The following FGGY variants were observed in gnomAD, a reference collection of about 807,000 sequenced individuals.
FGGY encodes FGGY carbohydrate kinase domain containing.
In FGGY, 72 loss-of-function variants were observed where a neutral mutation model predicts 71.3. The ratio of observed to expected loss-of-function variants is 1.01; its 90% CI spans 0.84 to 1.23. The LOEUF is 1.23. FGGY is among the 50% of genes most tolerant of loss of function. The pLI is 0.00. For missense variants in FGGY, 668 were observed against 682.3 expected (o/e 0.98, Z 0.23); for synonymous variants, 251 against 250.3 (o/e 1.00, Z -0.02).
At position 59,381,036 on chromosome 1, in the gene FGGY, TATTA is replaced by T. The variant is rs944747652; in HGVS notation, c.554+2201_554+2204del. On this transcript the variant is annotated intron_variant, in intron 5 of 15. Transcript: ENST00000303721. Reference sequence around the variant, plus strand: ...GCTAGCCAGTTTTCCCAGCACCATTTATTAAATAGGGAATCCTTTCCCCATTTCT... The same window carrying T: ...GCTAGCCAGTTTTCCCAGCACCATTTAATAGGGAATCCTTTCCCCATTTCT... Among the ~76,000 whole-genome samples, 16 of 152,360 alleles carry T rather than the reference TATTA, an allele frequency of 1.1e-4. No homozygotes were observed. In the South Asian group the frequency reaches 2.9e-3, roughly 28 times the overall value.
intron 9 of FGGY, among the ~76,000 whole-genome samples, chr1:59,625,093 C>A (rs1300988243): frequency 6.6e-6 from 1 of 152,106 alleles, no homozygotes; most frequent in African/African-American, 2.4e-5. Flanking sequence ...AGCCAAAAGA[C>A]CAAATCTTTT....
rs753851465 is a variant in FGGY at position 59,606,777 on chromosome 1, C to T, written c.904-1026C>T. On this transcript the variant is annotated intron_variant, in intron 8 of 15. Coordinates refer to ENST00000303721, the MANE Select transcript of FGGY (RefSeq NM_018291.5). ...GGCCTTGGGGTATATATCTAAATGG[C>T]GGCCTCTATCTTTGTATAATCTTTA... Among the ~76,000 whole-genome samples the T allele has an allele frequency of 5.4e-4, 83 of 152,302 alleles. 1 individual carries two copies. Among genetic ancestry groups the T allele is most frequent in the Non-Finnish European group, 7.2e-4 (49 of 68,024 alleles).
intron 2 of FGGY, among the ~76,000 whole-genome samples, chr1:59,328,889 G>T (rs908228081): frequency 1.3e-5 from 2 of 151,904 alleles, no homozygotes; most frequent in African/African-American, 2.4e-5. Flanking sequence ...TATTAAGTTT[G>T]CCCGTCTTAT....
intron 6 of FGGY, among the ~76,000 whole-genome samples, chr1:59,472,819 C>T (rs1400362315): frequency 6.6e-6 from 1 of 151,474 alleles, no homozygotes; most frequent in Admixed American, 6.6e-5. Flanking sequence ...ATACACCAAT[C>T]GGCTCTCTGT....
At chr1:59,353,475 T>G (rs1472389665) in intron 4 of FGGY, among the ~76,000 whole-genome samples, 3 of 152,140 alleles carry the variant, frequency 2.0e-5, no homozygotes, top group African/African-American at 7.2e-5. Context: ...AAATAGAGAA[T>G]AGAAGAGCAC....
rs144297320 is a variant in FGGY, at chr1:59,529,656, C to T, written c.799+17217C>T. Among the ~76,000 whole-genome samples the T allele has an allele frequency of 3.8e-3, 575 of 152,238 alleles. 2 individuals are homozygous for T. Among genetic ancestry groups the T allele is most frequent in the Middle Eastern group, 0.01 (3 of 294 alleles). ...GTGGAGATAGATTGGGAGTCTGTCC[C>T]ATCTGAGTACCGTTTTGGAGTTTGT... On this transcript the variant is annotated intron_variant, in intron 7 of 15. Coordinates refer to ENST00000303721, the MANE Select transcript of FGGY (RefSeq NM_018291.5).
chr1:59,523,911 A>G (rs2153652756), intron 7 of FGGY, among the ~76,000 whole-genome samples: 1 of 152,350 alleles, frequency 6.6e-6, no homozygotes, highest in South Asian at 2.1e-4. Flanking sequence ...CAGTAGAGGA[A>G]TGCACTCTGC....
chr1:59,696,285 T>C (rs879283401), intron 14 of FGGY, among the ~76,000 whole-genome samples: 4 of 152,216 alleles, frequency 2.6e-5, no homozygotes, highest in Non-Finnish European at 5.9e-5. Flanking sequence ...TAATAGATAC[T>C]AGAAAAGTAC....
At position 59,349,317 on chromosome 1, in the gene FGGY, A is replaced by T. The variant is rs191564830; in HGVS notation, c.465+2919A>T. On this transcript the variant is annotated intron_variant, in intron 4 of 15. Transcript: ENST00000303721. ...GCCTAAACTTGTTGCTATATCAACA[A>T]GTTTGGATTGGATATATCACCTTTT... Among the ~76,000 whole-genome samples the T allele has an allele frequency of 1.1e-3, 162 of 152,318 alleles. 3 individuals carry two copies. In the East Asian group the frequency reaches 0.016, roughly 15 times the overall value.
At chr1:59,545,825 A>G (rs747891504) in intron 7 of FGGY, among the ~76,000 whole-genome samples, 1 of 152,246 alleles carries the variant, frequency 6.6e-6, no homozygotes, top group Non-Finnish European at 1.5e-5. Flanking sequence ...AAACTGCAGT[A>G]TGCATGGTGC....
chr1:59,616,851 A>G (rs1203182178), intron 9 of FGGY, among the ~76,000 whole-genome samples: 4 of 152,234 alleles, frequency 2.6e-5, no homozygotes, highest in East Asian at 1.9e-4. Context: ...AAGTCCTATG[A>G]TCATACCTAT....
At chr1:59,643,034 CA>C (rs965526400) in intron 11 of FGGY, among the ~76,000 whole-genome samples, 1,264 of 53,126 alleles carry the variant, frequency 0.024, 3 homozygotes, top group Non-Finnish European at 0.035. Context: ...GACTCCATCT[CA>C]AAAAAAAAAA....
At chr1:59,474,615 G>A (rs538848005) in intron 6 of FGGY, among the ~76,000 whole-genome samples, 20 of 152,214 alleles carry the variant, frequency 1.3e-4, no homozygotes, top group Non-Finnish European at 2.8e-4. Context: ...AGGAGGGAAC[G>A]ATTTACATAG....
intron 7 of FGGY, among the ~76,000 whole-genome samples, chr1:59,534,286 G>C (rs1034778662): frequency 8.5e-5 from 13 of 152,210 alleles, no homozygotes; most frequent in East Asian, 5.8e-4. Flanking sequence ...AGAGAAAAAA[G>C]AATAAAAAGA....
intron 11 of FGGY, among the ~76,000 whole-genome samples, chr1:59,648,755 T>C (rs370629289): frequency 6.6e-6 from 1 of 151,000 alleles, no homozygotes; most frequent in Non-Finnish European, 1.5e-5. Flanking sequence ...TTAGTTTAAT[T>C]AGATCCCATT....
At chr1:59,391,903 G>T (rs1202345965) in intron 5 of FGGY, among the ~76,000 whole-genome samples, 2 of 152,204 alleles carry the variant, frequency 1.3e-5, no homozygotes, top group Admixed American at 6.5e-5. Flanking sequence ...CTTACAAATA[G>T]ATATGATACT....
intron 10 of FGGY, chr1:59,626,412 AT>A (rs2096856941): frequency 5.6e-6 from 1 of 179,100 alleles, no homozygotes; most frequent in South Asian, 1.9e-4. Context: ...CTGTCTCTTC[AT>A]CTGTAAAACT....
chr1:59,321,695 A>G lies in FGGY; in HGVS notation c.146A>G (p.Asn49Ser). 1 of 1,613,164 alleles carries G rather than the reference A, an allele frequency of 6.2e-7. No individual in the cohort carries two copies. Residue 49 changes from asparagine to serine, a missense_variant, in exon 2 of 16, where the codon AAC becomes AGC. Around this residue, in one of 2 missense-constraint regions of FGGY, gnomAD observed 661 missense variants for 661.6 expected, o/e 1.00. Coordinates refer to ENST00000303721, the MANE Select transcript of FGGY (RefSeq NM_018291.5). ...ATTAAGAATTGGGAGCCCCAGTTCA[A>G]CCACCATGAGCAGTCCTCCGAGGAC... ...QPIKNWEPQF[N>S]HHEQSSEDIW...
At chr1:59,309,240 G>A (rs573297597) in intron 1 of FGGY, among the ~76,000 whole-genome samples, 1 of 152,094 alleles carries the variant, frequency 6.6e-6, no homozygotes, top group Non-Finnish European at 1.5e-5. Flanking sequence ...TGTTTGTTAG[G>A]TGTAAAATTA....
Sources: allele counts gnomAD v4.1 joint callset (sites outside exome capture counted in the v4.1 genomes callset), GRCh38; gene constraint gnomAD v4.1.1; regional missense constraint gnomAD v4.1.1; transcripts MANE v1.5; gene names NCBI Gene and HGNC (gene_info 2026-07-23, HGNC 2026-07-21).